UNC45A: variants seen among roughly 807,000 people sequenced by gnomAD.
The protein encoded by UNC45A is protein unc-45 homolog A.
A neutral mutation model predicts 103.2 loss-of-function variants in UNC45A; 78 were observed. The observed-to-expected ratio is 0.76, with a 90% CI of 0.63 to 0.91. UNC45A has a LOEUF of 0.91. Ranked by LOEUF, UNC45A falls within the 40% of genes least tolerant of loss-of-function variation. The pLI is 0.00. For missense variants in UNC45A, 1,193 were observed against 1,224.8 expected, an observed-to-expected ratio of 0.97 and a Z score of 0.39; for synonymous variants, 495 against 504.6, an observed-to-expected ratio of 0.98 and a Z score of 0.25.
rs1237709180 is a variant in UNC45A, at chr15:90,944,981, A to G, written c.1117A>G (p.Ile373Val). The G allele has an allele frequency of 2.5e-6, 4 of 1,612,990 alleles. No individual in the cohort carries two copies. Among genetic ancestry groups the G allele is most frequent in the Non-Finnish European group, 3.4e-6 (4 of 1,180,026 alleles). Residue 373 changes from isoleucine (I) to valine (V), a missense_variant, in exon 9 of 20, where the codon ATT becomes GTT. Coordinates refer to ENST00000418476, the MANE Select transcript of UNC45A (RefSeq NM_018671.5). Reference protein sequence around the residue: ...VTANSRMSASILLSKLFDDLK... With the variant: ...VTANSRMSASVLLSKLFDDLK... ...CGCAAACAGCCGCATGAGCGCCTCTATTCTCCTCAGCAAGCTCTTTGATGA... is the reference window on the plus strand; with the variant it reads ...CGCAAACAGCCGCATGAGCGCCTCTGTTCTCCTCAGCAAGCTCTTTGATGA...
At chr15:90,947,659 G>A in intron 10 of UNC45A, 137 bp from the exon 11 acceptor site, 1 of 640,642 alleles carries the variant, frequency 1.6e-6, no homozygotes, top group Non-Finnish European at 2.8e-6. Context: ...GGTCTGGAGG[G>A]AGAGGGTGCT....
upstream of UNC45A, chr15:90,932,486 G>T: frequency 7.6e-7 from 1 of 1,309,062 alleles, no homozygotes; most frequent in South Asian, 2.4e-5. Context: ...TGCTGCCGGT[G>T]CTTGCGAGCC....
In UNC45A at chr15:90,949,457, G is replaced by T. The variant is rs2036768049; in HGVS notation, c.2006+14G>T. 6.2e-7 allele frequency: 1 copy of T among 1,613,128 alleles called. No individual in the cohort carries two copies. Among genetic ancestry groups the T allele is most frequent in the Non-Finnish European group, 8.5e-7 (1 of 1,179,744 alleles). On this transcript the variant is annotated intron_variant, in intron 14 of 19. Coordinates refer to ENST00000418476, the MANE Select transcript of UNC45A (RefSeq NM_018671.5). ...GCTGCTCTCCAGGTGAGCCAGCCTT[G>T]GTAGGAGCCAACCTTTCCCAACTCC...
At position 90,943,233 on chromosome 15, in the gene UNC45A, C is replaced by T. The variant is rs939715523; in HGVS notation, c.1027+151C>T. The T allele has an allele frequency of 1.2e-5, 12 of 987,868 alleles. No homozygotes were observed. The African/African-American group carries it at 1.8e-4, about 15-fold the overall frequency. The allele number at this position is 987,868 out of a possible 1,614,324, so 61.2% of individuals were successfully genotyped here. The stretch of plus-strand genomic sequence containing the variant: ...CTTGAAGCCGGGAGTTTGAGATCAG[C>T]CTGGGCAACATAGCGAGACCCTGTC... On this transcript the variant is annotated intron_variant, in intron 8 of 19. Transcript: ENST00000418476.
At chr15:90,935,490 C>T (rs2035960317) in intron 1 of UNC45A, 54 bp from the exon 2 acceptor site, 5 of 1,573,552 alleles carry the variant, frequency 3.2e-6, no homozygotes, top group Non-Finnish European at 4.3e-6. Flanking sequence ...CCCCTTAGCT[C>T]CCGGGCTCTG....
In UNC45A at chr15:90,948,798, A is replaced by T. The variant is rs1451589303; in HGVS notation, c.1878+4A>T. 1 of 1,580,962 alleles carries T rather than the reference A, an allele frequency of 6.3e-7. No individual in the cohort carries two copies. The highest frequency in any genetic ancestry group is 1.8e-5 in the Admixed American group (1 of 56,318). On this transcript the variant is annotated splice_donor_region_variant and intron_variant, in intron 13 of 19. Coordinates refer to ENST00000418476, the MANE Select transcript of UNC45A (RefSeq NM_018671.5). ...TGTGCCCGAGCAGCACCCCAAGGTG[A>T]GGGGCCGCCAGAGGGGCTAGAGGGT...
At chr15:90,947,143 T>C in intron 10 of UNC45A, 1 of 561,614 alleles carries the variant, frequency 1.8e-6, no homozygotes, top group Non-Finnish European at 3.2e-6. Flanking sequence ...GAGTCACGCA[T>C]GTCACTGCAC....
Position 90,953,742 on chromosome 15 carries a change from C to T in UNC45A, c.*26C>T, listed in dbSNP as rs1312178366. The T allele has an allele frequency of 1.9e-6, 3 of 1,607,244 alleles. No homozygotes were observed. The highest frequency in any genetic ancestry group is 2.2e-5 in the East Asian group (1 of 44,682). On this transcript the variant is annotated 3_prime_UTR_variant, in exon 20 of 20. Transcript: ENST00000418476. ...GGGGGTTGTCCCTGGGCCCAAGGCT[C>T]ATGCACACGCTACCTATTGTGGCAC...
At position 90,936,268 on chromosome 15, in the gene UNC45A, C is replaced by T; in HGVS notation, c.251-17C>T. 3.7e-6 allele frequency: 6 copies of T among 1,605,982 alleles called. No homozygotes were observed. Among genetic ancestry groups the T allele is most frequent in the African/African-American group, 1.3e-5 (1 of 74,674 alleles). ...AGTGGCCTCATGGGTGCTGACAGCGCTCCTGTTTGTGCTCAGCCATTGAAA... is the reference window on the plus strand; with the variant it reads ...AGTGGCCTCATGGGTGCTGACAGCGTTCCTGTTTGTGCTCAGCCATTGAAA... On this transcript the variant is annotated splice_polypyrimidine_tract_variant and intron_variant, in intron 3 of 19. Coordinates refer to ENST00000418476, the MANE Select transcript of UNC45A (RefSeq NM_018671.5).
At chr15:90,934,892 GC>G, upstream of UNC45A, 1 of 445,062 alleles carries the variant, frequency 2.2e-6, no homozygotes, top group Non-Finnish European at 4.0e-6. Context: ...ACAGAGCGCA[GC>G]AGCGAGAGCG....
chr15:90,942,690 A>G, intron 7 of UNC45A, 85 bp downstream of exon 7: 2 of 1,594,590 alleles, frequency 1.3e-6, no homozygotes, highest in Non-Finnish European at 1.7e-6. Context: ...TTTTTTGGGG[A>G]CCAGACTTGC....
Position 90,948,758 on chromosome 15 carries a change from G to A in UNC45A, c.1842G>A (p.Lys614=), listed in dbSNP as rs148392198. 1 of 1,612,664 alleles carries A rather than the reference G, an allele frequency of 6.2e-7. No individual in the cohort carries two copies. The highest frequency in any genetic ancestry group is 8.5e-7 in the Non-Finnish European group (1 of 1,179,614). The change falls in exon 13 of 20, where the codon AAG becomes AAA. Residue 614 remains lysine, a synonymous_variant. Transcript: ENST00000418476. ...EPDPKMVELA[K]YAKQHVPEQH... is the part of the protein sequence containing the mutation. The stretch of plus-strand genomic sequence containing the variant: ...ACCCCAAGATGGTGGAGCTGGCCAA[G>A]TATGCCAAGCAGCATGTGCCCGAGC...
rs1183399882 is a variant in UNC45A at position 90,950,227 on chromosome 15, C to A, written c.2147C>A (p.Thr716Asn). Residue 716 changes from threonine (T) to asparagine (N), a missense_variant, in exon 16 of 20, where the codon ACC becomes AAC. Physicochemically the swap from Thr to Asn is moderately conservative, Grantham distance 65. Coordinates refer to ENST00000418476, the MANE Select transcript of UNC45A (RefSeq NM_018671.5). ...TKAAQALAKL[T>N]ITSNPEMTFP... ...GCAGCCCAGGCCCTTGCCAAGCTCA[C>A]CATCACCTCCAACCCGGAGATGACC... is the stretch of plus-strand genomic sequence containing the variant. 6.4e-7 allele frequency: 1 copy of A among 1,551,620 alleles called. No individual in the cohort carries two copies. The highest frequency in any genetic ancestry group is 8.7e-7 in the Non-Finnish European group (1 of 1,147,010).
At chr15:90,947,024 T>G (rs2036611551) in intron 10 of UNC45A, 110 bp downstream of exon 10, 16 of 1,334,512 alleles carry the variant, frequency 1.2e-5, no homozygotes, top group Non-Finnish European at 1.6e-5. Context: ...TAAGGAATAC[T>G]GTAATGCCAA....
At position 90,949,700 on chromosome 15, in the gene UNC45A, G is replaced by A; in HGVS notation, c.2053G>A (p.Val685Ile). The A allele has an allele frequency of 1.2e-6, 2 of 1,614,190 alleles. No homozygotes were observed. The highest frequency in any genetic ancestry group is 1.7e-6 in the Non-Finnish European group (2 of 1,180,040). Residue 685 changes from valine (V) to isoleucine (I), a missense_variant, in exon 15 of 20, where the codon GTT (valine) becomes ATT (isoleucine). Val to Ile is a conservative substitution (Grantham distance 29, BLOSUM62 3). Coordinates refer to ENST00000418476, the MANE Select transcript of UNC45A (RefSeq NM_018671.5). ...AGAGGTAGAGGACCGAGGCACTGTG[G>A]TTGCCCAGGGAGGCGGCAGGGTAAG... ...VEEVEDRGTV[V>I]AQGGGRALIP...
chr15:90,950,538 C>T lies in UNC45A; in HGVS notation c.2226C>T (p.His742=), dbSNP rs1358788713. ...EVVRPLVSLL[H]LNCSGLQNFE... is the part of the protein sequence containing the mutation. ...TCCGGCCCCTCGTCTCCCTGTTGCACCTCAACTGCTCAGGCCTGCAGAACT... is the reference window on the plus strand; with the variant it reads ...TCCGGCCCCTCGTCTCCCTGTTGCATCTCAACTGCTCAGGCCTGCAGAACT... The change falls in exon 17 of 20, where the codon CAC becomes CAT. Residue 742 remains histidine, a synonymous_variant. Transcript: ENST00000418476. The T allele has an allele frequency of 1.2e-6, 2 of 1,614,060 alleles. No homozygotes were observed. Among genetic ancestry groups the T allele is most frequent in the African/African-American group, 1.3e-5 (1 of 74,932 alleles).
chr15:90,945,677 G>T (rs913767857), intron 9 of UNC45A, among the ~76,000 whole-genome samples: 8 of 149,908 alleles, frequency 5.3e-5, no homozygotes, highest in African/African-American at 1.7e-4. Flanking sequence ...TGTTGCCCAG[G>T]CTGGAGTACA....
chr15:90,931,527 CT>C (rs2035790454), upstream of UNC45A: 3 of 1,614,210 alleles, frequency 1.9e-6, no homozygotes, highest in Non-Finnish European at 2.5e-6. Flanking sequence ...GTCCTGAAAA[CT>C]TCCCCTTGGC....
chr15:90,947,499 G>A, intron 10 of UNC45A: 1 of 427,760 alleles, frequency 2.3e-6, no homozygotes, highest in Non-Finnish European at 4.3e-6. Context: ...GCTTCTTTGT[G>A]CGACATGGAA....
Sources: allele counts gnomAD v4.1 joint callset (sites outside exome capture counted in the v4.1 genomes callset), GRCh38; gene constraint gnomAD v4.1.1; transcripts MANE v1.5; gene names NCBI Gene and HGNC (gene_info 2026-07-23, HGNC 2026-07-21).